Variants in CYP2J2 observed in about 807,000 individuals in gnomAD.
CYP2J2 encodes cytochrome P450 family 2 subfamily J member 2, also known as cytochrome P450 2J2.
A neutral mutation model predicts 48.8 loss-of-function variants in CYP2J2; 41 were observed. The observed-to-expected ratio is 0.84, with a 90% CI of 0.66 to 1.09. The LOEUF is 1.09. CYP2J2 is among the 50% of genes least tolerant of loss of function. The probability of loss-of-function intolerance (pLI) is 0.00; values close to 1 mark genes in which losing one functional copy is unlikely to be tolerated. For synonymous variants in CYP2J2, 221 were observed against 227.1 expected, an observed-to-expected ratio of 0.97 and a Z score of 0.24; for missense variants, 644 against 617.3, an observed-to-expected ratio of 1.04 and a Z score of -0.46.
Position 59,904,877 on chromosome 1 carries a change from C to T in CYP2J2, c.1185G>A (p.Leu395=), listed in dbSNP as rs202208347. ...TGAAGATCTGCTTAATTACCTTGGG[C>T]AGGTGGTACCCAGCCAAAGTGGTAT... is the stretch of plus-strand genomic sequence containing the variant. ...TVDTTLAGYH[L]PKGTMILTNL... The change falls in exon 7 of 9, where the codon CTG becomes CTA. Residue 395 remains leucine (L), a synonymous_variant. Transcript: ENST00000371204. 49 of 1,612,898 alleles carry T rather than the reference C, an allele frequency of 3.0e-5. No homozygotes were observed. The highest frequency in any genetic ancestry group is 4.0e-5 in the Non-Finnish European group (47 of 1,179,646).
In CYP2J2 at chr1:59,911,771, G is replaced by C; in HGVS notation, c.524-3C>G. 1.2e-6 allele frequency: 2 copies of C among 1,610,782 alleles called. No homozygotes were observed. Among genetic ancestry groups the C allele is most frequent in the Non-Finnish European group, 8.5e-7 (1 of 1,178,578 alleles). Reference sequence around the variant, plus strand: ...GAAATGAGGGTCAAAAGGCTGTCCTGAAGGTGGAGGAAGGGCAAGATGGAT... The same window carrying C: ...GAAATGAGGGTCAAAAGGCTGTCCTCAAGGTGGAGGAAGGGCAAGATGGAT... On this transcript the variant is annotated splice_polypyrimidine_tract_variant and splice_region_variant and intron_variant, in intron 3 of 8. Coordinates refer to ENST00000371204, the MANE Select transcript of CYP2J2 (RefSeq NM_000775.4).
the CYP2J2 span, among the ~76,000 whole-genome samples, chr1:59,949,364 A>G: frequency 6.6e-6 from 1 of 152,232 alleles, no homozygotes; most frequent in South Asian, 2.1e-4. Context: ...CCTAGAATTG[A>G]CTGCTTCCTC....
chr1:59,910,006 T>G (rs776660333), intron 4 of CYP2J2, 46 bp from the exon 5 acceptor site: 2 of 1,465,164 alleles, frequency 1.4e-6, no homozygotes, highest in East Asian at 4.8e-5. Context: ...ATGGTGCCAT[T>G]TTTTTCTTTT....
Position 59,896,660 on chromosome 1 carries a change from C to G in CYP2J2, c.1331-2831G>C, listed in dbSNP as rs185171074. On this transcript the variant is annotated intron_variant, in intron 8 of 8. Transcript: ENST00000371204. ...CCCCTATGTGAATGTCCTCCTCACC[C>G]CACCTGGGCTACATTACCCCACACA... is the stretch of plus-strand genomic sequence containing the variant. Among the ~76,000 whole-genome samples, 49 of 152,258 alleles carry G rather than the reference C, an allele frequency of 3.2e-4. No individual in the cohort carries two copies. In the East Asian group the frequency reaches 7.1e-3, roughly 22 times the overall value.
intron 1 of CYP2J2, among the ~76,000 whole-genome samples, chr1:59,923,145 T>C (rs1056629291): frequency 2.0e-5 from 3 of 152,254 alleles, no homozygotes; most frequent in African/African-American, 7.2e-5. Context: ...TAAGCTACTA[T>C]GCCAGAGGGA....
At chr1:59,928,505 C>T (rs1248403239), upstream of CYP2J2, among the ~76,000 whole-genome samples, 1 of 152,172 alleles carries the variant, frequency 6.6e-6, no homozygotes, top group Non-Finnish European at 1.5e-5. Context: ...AGAACACTTT[C>T]CCTAGCTCTC....
chr1:59,894,598 TC>T (rs1274485683), intron 8 of CYP2J2, among the ~76,000 whole-genome samples: 1 of 152,166 alleles, frequency 6.6e-6, no homozygotes, highest in Non-Finnish European at 1.5e-5. Flanking sequence ...AAACAACCTC[TC>T]TAGGAATCAG....
At chr1:59,900,384 T>C (rs898786767) in intron 8 of CYP2J2, among the ~76,000 whole-genome samples, 1 of 152,188 alleles carries the variant, frequency 6.6e-6, no homozygotes, top group African/African-American at 2.4e-5. Flanking sequence ...CCCAGCACTT[T>C]GGCTTTGGGA....
At chr1:59,918,026 C>A (rs368125376) in intron 1 of CYP2J2, among the ~76,000 whole-genome samples, 5 of 152,170 alleles carry the variant, frequency 3.3e-5, no homozygotes, top group African/African-American at 9.7e-5. Flanking sequence ...TCCTTGTATT[C>A]TTTTGGCCCA....
chr1:59,893,933 G>A (rs1475864578), intron 8 of CYP2J2, 104 bp from the exon 9 acceptor site: 3 of 1,115,254 alleles, frequency 2.7e-6, no homozygotes, highest in Non-Finnish European at 3.8e-6. Flanking sequence ...AGCAGAGGAA[G>A]GGCCTGTAGG....
At chr1:59,938,545 T>C in the CYP2J2 span, among the ~76,000 whole-genome samples, 724 of 152,336 alleles carry the variant, frequency 4.8e-3, 4 homozygotes, top group African/African-American at 0.016. Context: ...CAAAGCAGCA[T>C]TGCTGCCAAC....
chr1:59,926,782 C>G (rs1644569802), upstream of CYP2J2: 2 of 1,566,064 alleles, frequency 1.3e-6, no homozygotes, highest in Non-Finnish European at 1.7e-6. Flanking sequence ...GCGGTCCAAG[C>G]AGGCGGCGGT....
At chr1:59,920,284 G>C (rs375506977) in intron 1 of CYP2J2, among the ~76,000 whole-genome samples, 1 of 150,218 alleles carries the variant, frequency 6.7e-6, no homozygotes, top group South Asian at 2.2e-4. Flanking sequence ...AGATGTAAAG[G>C]GGAAATGCAG....
chr1:59,917,208 T>C (rs568656725), intron 1 of CYP2J2, among the ~76,000 whole-genome samples: 7 of 152,158 alleles, frequency 4.6e-5, no homozygotes, highest in African/African-American at 9.7e-5. Context: ...GGCACTTTGT[T>C]TTCTTGTTCC....
At position 59,926,524 on chromosome 1, in the gene CYP2J2, C is replaced by A; in HGVS notation, c.210+13G>T. On this transcript the variant is annotated intron_variant, in intron 1 of 8. Coordinates refer to ENST00000371204, the MANE Select transcript of CYP2J2 (RefSeq NM_000775.4). ...AGGGTCAGGACACGCTAGGCACCTTCTCCCACTCCTACCAGCTGAACCTCC... is the reference window on the plus strand; with the variant it reads ...AGGGTCAGGACACGCTAGGCACCTTATCCCACTCCTACCAGCTGAACCTCC... 1.2e-6 allele frequency: 2 copies of A among 1,609,038 alleles called. No homozygotes were observed. Among genetic ancestry groups the A allele is most frequent in the Non-Finnish European group, 1.7e-6 (2 of 1,175,332 alleles).
chr1:59,905,177 ATAAAATGGTTCT>A, intron 6 of CYP2J2, 119 bp from the exon 7 acceptor site: 1 of 1,027,976 alleles, frequency 9.7e-7, no homozygotes, highest in South Asian at 1.6e-5. Flanking sequence ...GTTGCAAGAA[ATAAAATGGTTCT>A]TAACCTTTTG....
At chr1:59,910,783 T>A (rs1043865007) in intron 4 of CYP2J2, among the ~76,000 whole-genome samples, 1 of 152,028 alleles carries the variant, frequency 6.6e-6, no homozygotes, top group African/African-American at 2.4e-5. Flanking sequence ...CCCAGAAATG[T>A]CTTCCAAATT....
At chr1:59,907,952 A>G (rs2102118659) in intron 5 of CYP2J2, 25 bp from the exon 6 acceptor site, 1 of 1,612,576 alleles carries the variant, frequency 6.2e-7, no homozygotes, top group South Asian at 1.1e-5. Flanking sequence ...GTTTGATGTT[A>G]TTTATTGGTT....
At chr1:59,953,200 T>C in the CYP2J2 span, among the ~76,000 whole-genome samples, 1 of 152,148 alleles carries the variant, frequency 6.6e-6, no homozygotes, top group African/African-American at 2.4e-5. Context: ...AGTTCTCTAC[T>C]TGAATGCTCA....
Sources: gnomAD v4.1 joint callset for allele counts (sites outside exome capture counted in the v4.1 genomes callset) on GRCh38, gnomAD v4.1.1 for gene constraint, MANE v1.5 for transcripts, NCBI Gene and HGNC (gene_info 2026-07-23, HGNC 2026-07-21) for gene names.